Variants in URGCP observed in about 807,000 individuals in gnomAD.
URGCP encodes the protein up-regulator of cell proliferation.
Under a neutral mutation model 24.6 loss-of-function variants are expected in URGCP, and 13 were observed. The observed-to-expected ratio is 0.53, with a 90% CI of 0.34 to 0.84. The LOEUF (loss-of-function observed/expected upper bound fraction) is 0.84, where lower values mean the gene tolerates loss of function less well. URGCP is among the 40% of genes least tolerant of loss of function. The pLI is 0.01. For missense variants in URGCP, 899 were observed against 1,194.3 expected (o/e 0.75, Z 3.64); for synonymous variants, 444 against 487.2 (o/e 0.91, Z 1.17).
At chr7:43,896,108 A>C (rs945535911) in intron 1 of URGCP, among the ~76,000 whole-genome samples, 5 of 152,186 alleles carry the variant, frequency 3.3e-5, no homozygotes, top group African/African-American at 1.2e-4. Flanking sequence ...CACAGGTGGG[A>C]GCTAAGAAAA....
intron 1 of URGCP, among the ~76,000 whole-genome samples, chr7:43,897,517 G>T (rs1341851824): frequency 6.6e-6 from 1 of 152,120 alleles, no homozygotes; most frequent in Non-Finnish European, 1.5e-5. Flanking sequence ...AAGGCAGCAG[G>T]AGAAGCTAGA....
intron 1 of URGCP, among the ~76,000 whole-genome samples, chr7:43,922,322 A>C (rs1243930770): frequency 2.0e-5 from 3 of 152,268 alleles, no homozygotes; most frequent in African/African-American, 7.2e-5. Flanking sequence ...TTGGCCTCCC[A>C]AAGTGCTAGG....
intron 1 of URGCP, among the ~76,000 whole-genome samples, chr7:43,901,341 C>G (rs1012444341): frequency 6.6e-6 from 1 of 152,180 alleles, no homozygotes; most frequent in African/African-American, 2.4e-5. Context: ...CTGGTGCACT[C>G]TGCCACCCAT....
At chr7:43,889,712 T>C (rs1026223154) in intron 1 of URGCP, 1 of 151,968 alleles carries the variant, frequency 6.6e-6, no homozygotes, top group African/African-American at 2.4e-5. Context: ...GATAGAAGAG[T>C]AGTGCTTTCG....
chr7:43,913,745 C>A lies in URGCP; in HGVS notation c.-116+12387G>T, dbSNP rs1461443411. Among the ~76,000 whole-genome samples, 3 of 152,142 alleles carry A rather than the reference C, an allele frequency of 2.0e-5. No homozygotes were observed. In the East Asian group the frequency reaches 5.8e-4, roughly 29 times the overall value. On this transcript the variant is annotated intron_variant, in intron 1 of 5. Coordinates refer to the URGCP transcript ENST00000426198. ...ATGGAATCTCGCTCTGTTGCCCAGG[C>A]TGGAGTGCAGTGGCATGATCTTGGC...
chr7:43,888,557 G>A (rs905287820), intron 1 of URGCP: 2 of 151,256 alleles, frequency 1.3e-5, no homozygotes, highest in Non-Finnish European at 2.9e-5. Flanking sequence ...GTGAGCAAAT[G>A]AGTAAATGTA....
At chr7:43,916,713 C>CT (rs1562590475) in intron 1 of URGCP, among the ~76,000 whole-genome samples, 1 of 39,442 alleles carries the variant, frequency 2.5e-5, no homozygotes, top group Admixed American at 2.6e-4. Flanking sequence ...CCCTACCCAC[C>CT]CCCCCCCCCC....
chr7:43,905,258 T>TG (rs1562586278), intron 1 of URGCP, among the ~76,000 whole-genome samples: 10 of 89,492 alleles, frequency 1.1e-4, no homozygotes, highest in African/African-American at 4.6e-4. Flanking sequence ...ACCCTCAACA[T>TG]TGCCTCCAGG....
At chr7:43,922,471 A>G (rs1040692723) in intron 1 of URGCP, among the ~76,000 whole-genome samples, 20 of 152,192 alleles carry the variant, frequency 1.3e-4, no homozygotes, top group Non-Finnish European at 2.5e-4. Flanking sequence ...CTTTGTCAAC[A>G]CTTGTTGTCT....
At chr7:43,917,542 C>G (rs1430093993) in intron 1 of URGCP, among the ~76,000 whole-genome samples, 3 of 152,178 alleles carry the variant, frequency 2.0e-5, no homozygotes, top group Non-Finnish European at 4.4e-5. Flanking sequence ...AGCCCGGGTT[C>G]AATCCTGGCT....
intron 5 of URGCP, chr7:43,879,865 C>T (rs1337322509): frequency 6.6e-6 from 1 of 152,110 alleles, no homozygotes; most frequent in East Asian, 1.9e-4. Flanking sequence ...GCTAAACAAC[C>T]ATTTTGCAAA....
At chr7:43,881,126 C>T (rs763643532) in intron 5 of URGCP, 2 of 695,582 alleles carry the variant, frequency 2.9e-6, no homozygotes, top group South Asian at 3.0e-5. Flanking sequence ...AAACTAGGAA[C>T]ATTGTTTTTC....
intron 1 of URGCP, among the ~76,000 whole-genome samples, chr7:43,905,257 A>G (rs1036432021): frequency 1.0e-4 from 10 of 97,858 alleles, no homozygotes; most frequent in African/African-American, 4.2e-4. Context: ...CACCCTCAAC[A>G]TTGCCTCCAG....
chr7:43,876,986 G>C lies in URGCP; in HGVS notation c.2477C>G (p.Ser826Cys), dbSNP rs772405125. The change falls in exon 6 of 6, where the codon TCT (serine) becomes TGT (cysteine). Residue 826 changes from serine (S) to cysteine (C), a missense_variant. Physicochemically the swap from Ser to Cys is moderately radical, Grantham distance 112. Coordinates refer to ENST00000453200, the MANE Select transcript of URGCP (RefSeq NM_001077663.3). ...GTCTCTGGGCCTAGGGCCGGGAACA[G>C]ATACATCATGAAGGTTCTGGTATAC... ...QFVYQNLHDV[S>C]VPGPRPRDKR... is the part of the protein sequence containing the mutation. The C allele has an allele frequency of 1.9e-6, 3 of 1,614,208 alleles. No individual in the cohort carries two copies. The South Asian group carries it at 3.3e-5, about 18-fold the overall frequency.
chr7:43,919,857 C>T, intron 1 of URGCP: 1 of 1,289,282 alleles, frequency 7.8e-7, no homozygotes, highest in Non-Finnish European at 1.1e-6. Context: ...CATCTCCTCA[C>T]TCTTCTAGAG....
intron 1 of URGCP, among the ~76,000 whole-genome samples, chr7:43,890,845 G>A (rs1164858329): frequency 6.6e-6 from 1 of 152,238 alleles, no homozygotes; most frequent in Non-Finnish European, 1.5e-5. Flanking sequence ...AATGGCATGT[G>A]GCTGAACCCT....
At chr7:43,883,865 G>A (rs1274144923) in intron 3 of URGCP, among the ~76,000 whole-genome samples, 2 of 151,012 alleles carry the variant, frequency 1.3e-5, no homozygotes, top group African/African-American at 4.9e-5. Flanking sequence ...ATCAGAGAAG[G>A]CACAAGATCC....
upstream of URGCP, among the ~76,000 whole-genome samples, chr7:43,908,636 C>T (rs940910856): frequency 2.0e-5 from 3 of 152,194 alleles, no homozygotes; most frequent in African/African-American, 7.2e-5. Flanking sequence ...TGAAAAGACC[C>T]TTTCATAGGA....
At chr7:43,926,659 C>T (rs2095931532), upstream of URGCP, 3 of 1,274,478 alleles carry the variant, frequency 2.4e-6, no homozygotes, top group East Asian at 5.9e-5. Flanking sequence ...CTCCGCGAGT[C>T]GCGGATACAC....
Sources: gnomAD v4.1 joint callset for allele counts (sites outside exome capture counted in the v4.1 genomes callset) on GRCh38, gnomAD v4.1.1 for gene constraint, MANE v1.5 for transcripts, NCBI Gene and HGNC (gene_info 2026-07-23, HGNC 2026-07-21) for gene names.